Variants in SH3PXD2A observed in about 807,000 individuals in gnomAD.
SH3PXD2A encodes the protein SH3 and PX domains 2A.
In SH3PXD2A, 32 loss-of-function variants were observed where a neutral mutation model predicts 115.2. The ratio of observed to expected loss-of-function variants is 0.28; its 90% CI spans 0.21 to 0.37. The LOEUF is 0.37. SH3PXD2A is among the 10% of genes least tolerant of loss of function. SH3PXD2A has a pLI of 1.00. For synonymous variants in SH3PXD2A, 610 were observed against 629.1 expected (o/e 0.97, Z 0.45); for missense variants, 1,328 against 1,498.7 (o/e 0.89, Z 1.88).
intron 1 of SH3PXD2A, among the ~76,000 whole-genome samples, chr10:103,816,621 G>T (rs963942149): frequency 6.6e-6 from 1 of 152,136 alleles, no homozygotes; most frequent in African/African-American, 2.4e-5. Flanking sequence ...TAAACGTAGC[G>T]TCACCGGATG....
chr10:103,739,261 T>A (rs925053315), intron 3 of SH3PXD2A, among the ~76,000 whole-genome samples: 1 of 152,210 alleles, frequency 6.6e-6, no homozygotes, highest in African/African-American at 2.4e-5. Context: ...CCACTGTGCC[T>A]GGGGCTGCCC....
intron 5 of SH3PXD2A, among the ~76,000 whole-genome samples, chr10:103,716,091 C>T (rs867780659): frequency 6.6e-6 from 1 of 152,234 alleles, no homozygotes; most frequent in South Asian, 2.1e-4. Context: ...CCTCCCACCC[C>T]AGGCCCCAAG....
rs952035859 is a variant in SH3PXD2A at position 103,601,718 on chromosome 10, C to A, written c.*98G>T. The A allele has an allele frequency of 2.1e-5, 4 of 190,966 alleles. 1 individual carries two copies. Among genetic ancestry groups the A allele is most frequent in the East Asian group, 1.4e-4 (1 of 7,300 alleles). 11.8% of individuals were successfully genotyped at this position (190,966 alleles called of 1,614,324 possible). On this transcript the variant is annotated 3_prime_UTR_variant, in exon 15 of 15. Transcript: ENST00000369774. ...GTTGAATGTTGTCCACCCCCCACCC[C>A]CCACCCCCATTTTTTCCTTTCCCTT...
intron 1 of SH3PXD2A, among the ~76,000 whole-genome samples, chr10:103,824,551 C>T (rs907175964): frequency 6.6e-6 from 1 of 152,272 alleles, no homozygotes; most frequent in East Asian, 1.9e-4. Flanking sequence ...CCTCTGGGGC[C>T]ACAGAGAACA....
chr10:103,667,458 C>G (rs1171057772), intron 7 of SH3PXD2A, among the ~76,000 whole-genome samples: 1 of 152,230 alleles, frequency 6.6e-6, no homozygotes, highest in Non-Finnish European at 1.5e-5. Flanking sequence ...GGCTCTGGCT[C>G]ACTGGCGTGT....
At chr10:103,652,941 C>T (rs1312198380) in intron 8 of SH3PXD2A, among the ~76,000 whole-genome samples, 1 of 152,192 alleles carries the variant, frequency 6.6e-6, no homozygotes. Flanking sequence ...CGTCTCTGCC[C>T]TTGCTCACTC....
rs1235257856 is a variant in SH3PXD2A, at chr10:103,801,312, G to A, written c.123C>T (p.Tyr41=). The change falls in exon 2 of 15, where the codon TAC becomes TAT. Residue 41 remains tyrosine (Y), a synonymous_variant. Coordinates refer to ENST00000369774, the MANE Select transcript of SH3PXD2A (RefSeq NM_001394015.1). ...TWSDSTSQTI[Y]RRYSKFFDLQ... is the part of the protein sequence containing the mutation. ...GGTCAAAGAACTTGCTGTACCTCCG[G>A]TAGATAGTCTGGGAGGTGGAGTCAG... 10 of 1,612,090 alleles carry A rather than the reference G, an allele frequency of 6.2e-6. No individual in the cohort carries two copies. In the South Asian group the frequency reaches 7.7e-5, roughly 12 times the overall value.
intron 8 of SH3PXD2A, among the ~76,000 whole-genome samples, chr10:103,632,518 G>A (rs2036795487): frequency 6.6e-6 from 1 of 152,198 alleles, no homozygotes; most frequent in African/African-American, 2.4e-5. Context: ...TGTGACTCAC[G>A]CCAGGGTTCC....
chr10:103,650,865 T>C (rs557657919), intron 8 of SH3PXD2A, among the ~76,000 whole-genome samples: 18 of 152,336 alleles, frequency 1.2e-4, no homozygotes, highest in Admixed American at 5.9e-4. Flanking sequence ...GAGACAGCCC[T>C]AGGATGCTGT....
chr10:103,813,307 T>C (rs952772884), intron 1 of SH3PXD2A, among the ~76,000 whole-genome samples: 24 of 152,168 alleles, frequency 1.6e-4, no homozygotes, highest in African/African-American at 5.6e-4. Context: ...TTCTACTTTA[T>C]AGATTTCTTT....
At chr10:103,808,997 A>C (rs2039236242) in intron 1 of SH3PXD2A, among the ~76,000 whole-genome samples, 1 of 152,240 alleles carries the variant, frequency 6.6e-6, no homozygotes, top group Non-Finnish European at 1.5e-5. Flanking sequence ...TAGGAGCAGA[A>C]TACAAACACA....
chr10:103,679,310 G>A (rs1318982771), intron 6 of SH3PXD2A, among the ~76,000 whole-genome samples: 1 of 152,220 alleles, frequency 6.6e-6, no homozygotes, highest in East Asian at 1.9e-4. Context: ...CCTGTCAGAT[G>A]TGCAGTAGAC....
At chr10:103,842,055 G>A (rs950820742) in intron 1 of SH3PXD2A, among the ~76,000 whole-genome samples, 15 of 151,110 alleles carry the variant, frequency 9.9e-5, no homozygotes, top group Non-Finnish European at 1.2e-4. Flanking sequence ...AACCCGGGAG[G>A]TGGAGCTTGC....
intron 2 of SH3PXD2A, among the ~76,000 whole-genome samples, chr10:103,773,862 C>T (rs2038854339): frequency 6.6e-6 from 1 of 151,830 alleles, no homozygotes; most frequent in African/African-American, 2.4e-5. Context: ...CTTCAGCCTC[C>T]TGAGTAGCTG....
chr10:103,634,242 G>A (rs146711049), intron 8 of SH3PXD2A, among the ~76,000 whole-genome samples: 1 of 152,364 alleles, frequency 6.6e-6, no homozygotes, highest in Non-Finnish European at 1.5e-5. Flanking sequence ...CAGTGGAGAA[G>A]AGACCCAGAT....
intron 2 of SH3PXD2A, among the ~76,000 whole-genome samples, chr10:103,778,904 C>T (rs1382743640): frequency 6.6e-6 from 1 of 152,172 alleles, no homozygotes; most frequent in Non-Finnish European, 1.5e-5. Context: ...TCCCCTTGGC[C>T]AAGAGGGAAG....
chr10:103,777,244 T>C lies in SH3PXD2A; in HGVS notation c.154-10075A>G, dbSNP rs535133586. On this transcript the variant is annotated intron_variant, in intron 2 of 14. Coordinates refer to ENST00000369774, the MANE Select transcript of SH3PXD2A (RefSeq NM_001394015.1). ...ACACCGGCTATTCTTATCACCCCTG[T>C]CACCATTACTCTTGTTATGACACCA... Among the ~76,000 whole-genome samples the C allele has an allele frequency of 2.0e-5, 3 of 152,382 alleles. No homozygotes were observed. The South Asian group carries it at 6.2e-4, about 32-fold the overall frequency.
intron 1 of SH3PXD2A, among the ~76,000 whole-genome samples, chr10:103,851,908 C>T (rs556401688): frequency 1.3e-5 from 2 of 152,322 alleles, no homozygotes; most frequent in East Asian, 1.9e-4. Context: ...TTTAGATAAA[C>T]GAGCTTTTCT....
intron 5 of SH3PXD2A, among the ~76,000 whole-genome samples, chr10:103,701,905 C>T (rs1267567235): frequency 4.6e-5 from 7 of 151,770 alleles, no homozygotes; most frequent in Admixed American, 4.6e-4. Flanking sequence ...CACCATCCAG[C>T]CATCTATCAT....
Sources: allele counts gnomAD v4.1 joint callset (sites outside exome capture counted in the v4.1 genomes callset), GRCh38; gene constraint gnomAD v4.1.1; transcripts MANE v1.5; gene names NCBI Gene and HGNC (gene_info 2026-07-23, HGNC 2026-07-21).